The following VWA8 variants were observed in gnomAD, a reference collection of about 807,000 sequenced individuals.
VWA8 encodes the protein von Willebrand factor A domain-containing protein 8.
VWA8 carries 221 observed loss-of-function variants against 241.5 expected under a neutral mutation model. That is an observed-to-expected ratio of 0.91 (90% CI 0.82 to 1.02). The LOEUF (loss-of-function observed/expected upper bound fraction) is 1.02, where lower values mean the gene tolerates loss of function less well. Ranked by LOEUF, VWA8 falls within the 50% of genes least tolerant of loss-of-function variation. VWA8 has a pLI of 0.00. For missense variants in VWA8, 2,322 were observed against 2,328.7 expected, an observed-to-expected ratio of 1.00 and a Z score of 0.06; for synonymous variants, 852 against 827.1, an observed-to-expected ratio of 1.03 and a Z score of -0.52.
intron 20 of VWA8, among the ~76,000 whole-genome samples, chr13:41,771,055 C>T (rs2045819281): frequency 1.3e-5 from 2 of 152,100 alleles, no homozygotes; most frequent in South Asian, 4.2e-4. Context: ...ATATCAGAAA[C>T]CAAGTGATGT....
intron 17 of VWA8, among the ~76,000 whole-genome samples, chr13:41,800,039 T>C (rs1444992724): frequency 6.6e-6 from 1 of 152,224 alleles, no homozygotes; most frequent in Admixed American, 6.5e-5. Context: ...AGCCAAACAA[T>C]ATGTGGTCCT....
At chr13:41,828,796 A>C (rs1411502250) in intron 14 of VWA8, among the ~76,000 whole-genome samples, 5 of 151,722 alleles carry the variant, frequency 3.3e-5, no homozygotes, top group Non-Finnish European at 7.4e-5. Flanking sequence ...ATCATACTTA[A>C]GGAAATTAGT....
chr13:41,865,552 G>C (rs1490383341), intron 12 of VWA8, 184 bp downstream of exon 12: 1 of 609,978 alleles, frequency 1.6e-6, no homozygotes, highest in Non-Finnish European at 2.7e-6. Context: ...AGATATCCTA[G>C]AATGTACTTT....
At chr13:41,872,353 T>C (rs1169478948) in intron 9 of VWA8, among the ~76,000 whole-genome samples, 1 of 152,234 alleles carries the variant, frequency 6.6e-6, no homozygotes, top group Non-Finnish European at 1.5e-5. Context: ...GCCATTGCTT[T>C]TGGTGTTTTA....
At chr13:41,833,026 ACT>A (rs1871538109) in intron 13 of VWA8, among the ~76,000 whole-genome samples, 1 of 152,132 alleles carries the variant, frequency 6.6e-6, no homozygotes, top group Non-Finnish European at 1.5e-5. Context: ...TGAAGCTGTG[ACT>A]CTGACAAATT....
intron 9 of VWA8, among the ~76,000 whole-genome samples, chr13:41,872,823 GT>G (rs1873699945): frequency 6.6e-6 from 1 of 152,112 alleles, no homozygotes; most frequent in African/African-American, 2.4e-5. Flanking sequence ...CTTTAAAGTA[GT>G]TTTTTCCAAT....
intron 24 of VWA8, among the ~76,000 whole-genome samples, 180 bp downstream of exon 24, chr13:41,727,014 C>T (rs2045441174): frequency 6.6e-6 from 1 of 151,894 alleles, no homozygotes; most frequent in Non-Finnish European, 1.5e-5. Flanking sequence ...CAAAACAAAA[C>T]AAAAACCTCT....
chr13:41,709,918 A>G (rs9566827), intron 26 of VWA8, among the ~76,000 whole-genome samples: 5,276 of 152,008 alleles, frequency 0.035, 163 homozygotes, highest in East Asian at 0.097. Flanking sequence ...AGTAGCTGGG[A>G]CTACAAACAT....
chr13:41,818,759 T>C (rs1870814792), intron 15 of VWA8, among the ~76,000 whole-genome samples: 1 of 152,170 alleles, frequency 6.6e-6, no homozygotes, highest in African/African-American at 2.4e-5. Flanking sequence ...AGACCAGGAC[T>C]ACTTACTATT....
In VWA8 at chr13:41,886,981, A is replaced by G. The variant is rs149598472; in HGVS notation, c.817-151T>C. 7.6e-4 allele frequency: 678 copies of G among 888,964 alleles called. 7 individuals are homozygous for G. The East Asian group carries it at 0.014, about 18-fold the overall frequency. The allele number at this position is 888,964 out of a possible 1,614,324, so 55.1% of individuals were successfully genotyped here. A position where few individuals can be genotyped will look rare whatever the true frequency, so the allele number is the denominator to read the frequency against. On this transcript the variant is annotated intron_variant, in intron 6 of 44. Transcript: ENST00000379310. ...ATTTATTGATACATTTCATTTTCTAAAAGAAAAGCCAGCCTTTTAAAAAAA... is the reference window on the plus strand; with the variant it reads ...ATTTATTGATACATTTCATTTTCTAGAAGAAAAGCCAGCCTTTTAAAAAAA...
chr13:41,626,435 G>C (rs1235401076), intron 37 of VWA8, among the ~76,000 whole-genome samples: 2 of 151,800 alleles, frequency 1.3e-5, no homozygotes, highest in African/African-American at 4.8e-5. Flanking sequence ...AATTCATAAG[G>C]AACCAAAAAA....
At chr13:41,897,583 G>A (rs73185337) in intron 4 of VWA8, among the ~76,000 whole-genome samples, 14,330 of 152,182 alleles carry the variant, frequency 0.094, 856 homozygotes, top group African/African-American at 0.17. Context: ...TCCGAAATTG[G>A]TAGGTTCTTG....
At chr13:41,935,067 ACTT>A (rs1190583867) in intron 2 of VWA8, among the ~76,000 whole-genome samples, 3 of 152,062 alleles carry the variant, frequency 2.0e-5, no homozygotes, top group African/African-American at 4.8e-5. Flanking sequence ...AAAAATTTAT[ACTT>A]CTTATGTTTT....
At chr13:41,705,265 T>G (rs888913825) in intron 26 of VWA8, among the ~76,000 whole-genome samples, 1 of 150,152 alleles carries the variant, frequency 6.7e-6, no homozygotes, top group Non-Finnish European at 1.5e-5. Flanking sequence ...ACTTCCATCT[T>G]TTTACCAGGA....
intron 2 of VWA8, among the ~76,000 whole-genome samples, chr13:41,913,821 T>G (rs1452994868): frequency 6.6e-6 from 1 of 152,228 alleles, no homozygotes; most frequent in African/African-American, 2.4e-5. Flanking sequence ...GTTTCTCTCT[T>G]GTTTTTACAA....
intron 24 of VWA8, among the ~76,000 whole-genome samples, chr13:41,723,221 T>A (rs978482513): frequency 2.0e-5 from 3 of 152,196 alleles, no homozygotes; most frequent in African/African-American, 4.8e-5. Context: ...TCTGGGTTCC[T>A]CTTCTATAAG....
At chr13:41,818,464 T>C (rs905029529) in intron 15 of VWA8, among the ~76,000 whole-genome samples, 6 of 151,504 alleles carry the variant, frequency 4.0e-5, no homozygotes, top group African/African-American at 1.5e-4. Context: ...CTCAGCTACT[T>C]GAGAGGCTGA....
chr13:41,895,116 T>C (rs1237856201), intron 4 of VWA8, among the ~76,000 whole-genome samples: 1 of 151,804 alleles, frequency 6.6e-6, no homozygotes, highest in Non-Finnish European at 1.5e-5. Flanking sequence ...TGCTACTAGA[T>C]GTTGGAGATA....
chr13:41,915,190 T>A (rs913925401), intron 2 of VWA8, among the ~76,000 whole-genome samples: 4 of 152,216 alleles, frequency 2.6e-5, no homozygotes, highest in Non-Finnish European at 1.5e-5. Context: ...ATGGAGTTAT[T>A]TAAAGCTAGA....
Sources: allele counts gnomAD v4.1 joint callset (sites outside exome capture counted in the v4.1 genomes callset), GRCh38; gene constraint gnomAD v4.1.1; transcripts MANE v1.5; gene names NCBI Gene and HGNC (gene_info 2026-07-23, HGNC 2026-07-21).